The following PLCL1 variants were observed in gnomAD, a reference collection of about 807,000 sequenced individuals.
The protein encoded by PLCL1 is inactive phospholipase C-like protein 1.
In PLCL1, 41 loss-of-function variants were observed where a neutral mutation model predicts 84.4. The ratio of observed to expected loss-of-function variants is 0.49; its 90% CI spans 0.38 to 0.63. The LOEUF is 0.63. Among genes scored for constraint, PLCL1 ranks in the 30% least tolerant of loss-of-function variants. The pLI is 0.00. For synonymous variants in PLCL1, 490 were observed against 488.3 expected, an observed-to-expected ratio of 1.00 and a Z score of -0.05; for missense variants, 1,206 against 1,367.8, an observed-to-expected ratio of 0.88 and a Z score of 1.87.
rs376818578 is a variant in PLCL1, at chr2:197,986,785, G to C, written c.241-96973G>C. On this transcript the variant is annotated intron_variant, in intron 1 of 5. Coordinates refer to ENST00000428675, the MANE Select transcript of PLCL1 (RefSeq NM_006226.4). ...CTGCTTTTCTCCTTAATTGATCTTTGGGGAGTTAGACAATACAATCATCAT... is the reference window on the plus strand; with the variant it reads ...CTGCTTTTCTCCTTAATTGATCTTTCGGGAGTTAGACAATACAATCATCAT... Among the ~76,000 whole-genome samples the C allele has an allele frequency of 9.9e-5, 15 of 152,248 alleles. 1 individual carries two copies. The highest frequency in any genetic ancestry group is 3.6e-4 in the African/African-American group (15 of 41,554).
At chr2:197,923,106 G>A (rs1189640868) in intron 1 of PLCL1, among the ~76,000 whole-genome samples, 2 of 136,374 alleles carry the variant, frequency 1.5e-5, no homozygotes, top group African/African-American at 2.7e-5. Flanking sequence ...CCTACCGGAC[G>A]GGGCGGCTGG....
intron 1 of PLCL1, among the ~76,000 whole-genome samples, chr2:198,054,800 A>C (rs1692022474): frequency 6.6e-6 from 1 of 152,210 alleles, no homozygotes; most frequent in African/African-American, 2.4e-5. Flanking sequence ...CTGTGGGTTA[A>C]GATAGTTCAT....
chr2:197,931,737 C>G (rs1483517521), intron 1 of PLCL1, among the ~76,000 whole-genome samples: 7 of 135,594 alleles, frequency 5.2e-5, no homozygotes, highest in Non-Finnish European at 9.1e-5. Context: ...ATGATCTAAC[C>G]TTTTCATAGG....
Position 198,148,705 on chromosome 2 carries a change from C to T in PLCL1, c.*1743C>T, listed in dbSNP as rs1694582911. ...TGTGGTGAAAAAGAGGTTCTATAGA[C>T]AGAAACAAAACCCACCTTACATCAG... On this transcript the variant is annotated 3_prime_UTR_variant, in exon 6 of 6. Coordinates refer to ENST00000428675, the MANE Select transcript of PLCL1 (RefSeq NM_006226.4). 6.6e-6 allele frequency: 1 copy of T among 152,250 alleles called. No homozygotes were observed. Among genetic ancestry groups the T allele is most frequent in the Non-Finnish European group, 1.5e-5 (1 of 68,014 alleles). The allele number at this position is 152,250 out of a possible 1,614,324, so 9.4% of individuals were successfully genotyped here. A position where few individuals can be genotyped will look rare whatever the true frequency, so the allele number is the denominator to read the frequency against.
chr2:197,858,948 C>T (rs1435967196), intron 1 of PLCL1, among the ~76,000 whole-genome samples: 1 of 152,094 alleles, frequency 6.6e-6, no homozygotes, highest in African/African-American at 2.4e-5. Context: ...TCCATGGGGC[C>T]TCTCTAGTGG....
chr2:197,913,041 A>G (rs1164136885), intron 1 of PLCL1, among the ~76,000 whole-genome samples: 1 of 152,182 alleles, frequency 6.6e-6, no homozygotes, highest in Non-Finnish European at 1.5e-5. Flanking sequence ...TTCTGACTCC[A>G]ACAATGTAAG....
In PLCL1 at chr2:198,126,342, C is replaced by T. The variant is rs189629428; in HGVS notation, c.3106-20438C>T. On this transcript the variant is annotated intron_variant, in intron 5 of 5. Transcript: ENST00000428675. Reference sequence around the variant, plus strand: ...TGCATTTATGATGATAAATCTGTGCCTGTCCTACAAAAAAAGCCCTTGTCT... The same window carrying T: ...TGCATTTATGATGATAAATCTGTGCTTGTCCTACAAAAAAAGCCCTTGTCT... Among the ~76,000 whole-genome samples the T allele has an allele frequency of 2.0e-5, 3 of 152,276 alleles. No homozygotes were observed. In the East Asian group the frequency reaches 5.8e-4, roughly 29 times the overall value.
chr2:197,809,460 C>A (rs770657), intron 1 of PLCL1, among the ~76,000 whole-genome samples: 110,734 of 152,032 alleles, frequency 0.73, 41,411 homozygotes, highest in African/African-American at 0.9. Context: ...TTGTGGGGTA[C>A]ATTATCTTTT....
chr2:197,817,737 G>C (rs998905324), intron 1 of PLCL1, among the ~76,000 whole-genome samples: 1 of 152,130 alleles, frequency 6.6e-6, no homozygotes, highest in Admixed American at 6.6e-5. Context: ...TTTCTGAAAG[G>C]AGTGAAGAGA....
chr2:197,817,595 TC>T (rs1168359092), intron 1 of PLCL1, among the ~76,000 whole-genome samples: 4 of 152,068 alleles, frequency 2.6e-5, no homozygotes, highest in Non-Finnish European at 5.9e-5. Flanking sequence ...AACCTTTTGA[TC>T]CCCAGTTTTC....
chr2:198,084,891 T>A lies in PLCL1; in HGVS notation c.1374T>A (p.Asn458Lys). Residue 458 changes from asparagine to lysine, a missense_variant, in exon 2 of 6, where the codon AAT becomes AAA. By Grantham distance (94) the Asn-to-Lys change is moderately conservative. Coordinates refer to ENST00000428675, the MANE Select transcript of PLCL1 (RefSeq NM_006226.4). The part of the protein sequence containing the change: ...DGSDNEPILC[N>K]RNNMTTHVSF... ...CAGATAATGAACCAATCCTTTGTAA[T>A]CGAAATAACATGACAACCCATGTTT... The A allele has an allele frequency of 6.2e-7, 1 of 1,614,012 alleles. No individual in the cohort carries two copies. The highest frequency in any genetic ancestry group is 8.5e-7 in the Non-Finnish European group (1 of 1,179,966).
chr2:198,105,940 A>G (rs1693463821), intron 5 of PLCL1, among the ~76,000 whole-genome samples: 1 of 151,922 alleles, frequency 6.6e-6, no homozygotes. Flanking sequence ...AAAAGAAATG[A>G]TTTAGGCAGA....
intron 1 of PLCL1, among the ~76,000 whole-genome samples, chr2:197,824,997 A>C (rs1410145180): frequency 6.6e-6 from 1 of 152,082 alleles, no homozygotes; most frequent in African/African-American, 2.4e-5. Context: ...AGGAAGCAAT[A>C]TTGCCTTTTT....
chr2:197,838,217 T>G (rs534805345), intron 1 of PLCL1, among the ~76,000 whole-genome samples: 1 of 152,222 alleles, frequency 6.6e-6, no homozygotes, highest in Non-Finnish European at 1.5e-5. Flanking sequence ...TTTTAGAGTT[T>G]CAGTTTCCCT....
At chr2:197,912,503 A>T (rs1688502045) in intron 1 of PLCL1, among the ~76,000 whole-genome samples, 1 of 151,844 alleles carries the variant, frequency 6.6e-6, no homozygotes, top group Non-Finnish European at 1.5e-5. Context: ...ACGTATGTTT[A>T]TTGCGGCATT....
intron 1 of PLCL1, among the ~76,000 whole-genome samples, chr2:197,966,294 C>T (rs1689731722): frequency 6.6e-6 from 1 of 152,116 alleles, no homozygotes; most frequent in Non-Finnish European, 1.5e-5. Flanking sequence ...CCCAAGTTCA[C>T]TGTCTCTGAG....
rs1307127329 is a variant in PLCL1 at position 198,020,565 on chromosome 2, A to T, written c.241-63193A>T. Among the ~76,000 whole-genome samples the T allele has an allele frequency of 2.2e-4, 34 of 152,112 alleles. 1 individual carries two copies. The highest frequency in any genetic ancestry group is 1.9e-4 in the Non-Finnish European group (13 of 68,010). On this transcript the variant is annotated intron_variant, in intron 1 of 5. Transcript: ENST00000428675. ...ATATTTACCAAGCAAATGGAAAGAA[A>T]AAAAAAAGAAAAAAAAAGCAGGGAT...
At chr2:197,921,309 C>T (rs1688695930) in intron 1 of PLCL1, among the ~76,000 whole-genome samples, 2 of 152,134 alleles carry the variant, frequency 1.3e-5, no homozygotes, top group African/African-American at 4.8e-5. Flanking sequence ...CAGCATCTAT[C>T]AGTTGCTGAG....
At chr2:197,998,629 C>A (rs1690525817) in intron 1 of PLCL1, among the ~76,000 whole-genome samples, 1 of 152,146 alleles carries the variant, frequency 6.6e-6, no homozygotes, top group Admixed American at 6.5e-5. Context: ...CTTTTGTTTT[C>A]ACTTGGTTTA....
Sources: gnomAD v4.1 joint callset for allele counts (sites outside exome capture counted in the v4.1 genomes callset) on GRCh38, gnomAD v4.1.1 for gene constraint, MANE v1.5 for transcripts, NCBI Gene and HGNC (gene_info 2026-07-23, HGNC 2026-07-21) for gene names.